Variants in WDR25 observed in about 807,000 individuals in gnomAD.
The protein encoded by WDR25 is WD repeat domain 25.
A neutral mutation model predicts 47.7 loss-of-function variants in WDR25; 35 were observed. The observed-to-expected ratio is 0.73, with a 90% CI of 0.56 to 0.97. The LOEUF (loss-of-function observed/expected upper bound fraction) is 0.97, where lower values mean the gene tolerates loss of function less well. Ranked by LOEUF, WDR25 falls within the 50% of genes least tolerant of loss-of-function variation. The pLI, the probability that WDR25 is intolerant of heterozygous loss-of-function variation, is 0.00. For missense variants in WDR25, 634 were observed against 704.7 expected (o/e 0.90, Z 1.14); for synonymous variants, 248 against 278.9 (o/e 0.89, Z 1.10).
chr14:100,405,519 G>A (rs1897510071), intron 2 of WDR25, among the ~76,000 whole-genome samples: 1 of 152,202 alleles, frequency 6.6e-6, no homozygotes, highest in African/African-American at 2.4e-5. Context: ...TGCAGGGGAT[G>A]GGGAGGGAGG....
rs532505621 is a variant in WDR25 at position 100,484,343 on chromosome 14, T to C, written c.1101+219T>C. Reference sequence around the variant, plus strand: ...AAAGGTGCAATTTTATGCAGCATATTACTAAAAATATTTGTTGAACACCTA... The same window carrying C: ...AAAGGTGCAATTTTATGCAGCATATCACTAAAAATATTTGTTGAACACCTA... On this transcript the variant is annotated intron_variant, in intron 4 of 6. Coordinates refer to ENST00000402312, the MANE Select transcript of WDR25 (RefSeq NM_001161476.3). Among the ~76,000 whole-genome samples, 6 of 152,334 alleles carry C rather than the reference T, an allele frequency of 3.9e-5. No homozygotes were observed. The East Asian group carries it at 1.2e-3, about 29-fold the overall frequency.
rs530224031 is a variant in WDR25 at position 100,525,990 on chromosome 14, A to G, written c.1222A>G (p.Ile408Val). 6.2e-7 allele frequency: 1 copy of G among 1,613,996 alleles called. No individual in the cohort carries two copies. The highest frequency in any genetic ancestry group is 2.2e-5 in the East Asian group (1 of 44,882). ...CCGGGACTCAGCTGACCGCACCATT[A>G]TTGCCTGGGATTTCCGGACCTCTGC... is the stretch of plus-strand genomic sequence containing the variant. ...STRDSADRTI[I>V]AWDFRTSAKI... Residue 408 changes from isoleucine (I) to valine (V), a missense_variant, in exon 5 of 7, where the codon ATT (isoleucine) becomes GTT (valine). Physicochemically the swap from Ile to Val is conservative, Grantham distance 29. Transcript: ENST00000402312. This position sits in a 1 kb window ranked among gnomAD's most constrained non-coding sequence, Gnocchi z 4.6.
chr14:100,517,564 C>T (rs1190820389), intron 4 of WDR25, among the ~76,000 whole-genome samples: 10 of 152,146 alleles, frequency 6.6e-5, no homozygotes, highest in Non-Finnish European at 1.5e-4. Flanking sequence ...TTCTTCTAGG[C>T]CAGGTGTGGT....
chr14:100,386,315 C>G (rs1897016253), intron 2 of WDR25, among the ~76,000 whole-genome samples: 1 of 152,198 alleles, frequency 6.6e-6, no homozygotes, highest in Admixed American at 6.5e-5. Context: ...GTCGGGGGCC[C>G]TACATTCCTA....
At chr14:100,526,934 CACCACCACACCATCTCT>C (rs2030188650) in intron 5 of WDR25, among the ~76,000 whole-genome samples, 3 of 151,854 alleles carry the variant, frequency 2.0e-5, no homozygotes, top group Admixed American at 6.6e-5. Flanking sequence ...CTCCTGTCAT[CACCACCACACCATCTCT>C]ATCACCACCA....
At chr14:100,409,359 A>G (rs1229519173) in intron 2 of WDR25, among the ~76,000 whole-genome samples, 10 of 152,164 alleles carry the variant, frequency 6.6e-5, no homozygotes, top group Non-Finnish European at 1.5e-4. Flanking sequence ...TGAATCAGTT[A>G]GGAATATTGG....
intron 2 of WDR25, among the ~76,000 whole-genome samples, chr14:100,429,373 G>GAA (rs1383694323): frequency 4.6e-5 from 7 of 152,332 alleles, no homozygotes; most frequent in Admixed American, 4.6e-4. Flanking sequence ...TGGAGTGAAA[G>GAA]AAAGAGGAGA....
At chr14:100,414,903 CA>C (rs35444675) in intron 2 of WDR25, among the ~76,000 whole-genome samples, 41,407 of 113,336 alleles carry the variant, frequency 0.37, 7,057 homozygotes, top group African/African-American at 0.55. Flanking sequence ...GACTCCATCT[CA>C]AAAAAAAAAA....
chr14:100,509,962 T>A (rs1484063058), intron 4 of WDR25, among the ~76,000 whole-genome samples: 2 of 152,108 alleles, frequency 1.3e-5, no homozygotes, highest in African/African-American at 4.8e-5. Context: ...GATTTCTTTT[T>A]TTTTTTAATT....
chr14:100,463,482 T>C (rs77972127), intron 2 of WDR25, among the ~76,000 whole-genome samples: 9,668 of 152,156 alleles, frequency 0.064, 754 homozygotes, highest in African/African-American at 0.19. Context: ...CTGGTTTCTC[T>C]CTCTCCTCCC....
chr14:100,530,084 G>A lies in WDR25; in HGVS notation c.*43G>A, dbSNP rs1264547757. ...CTTCCCGATGCCAGCTGGGCTCTTG[G>A]ACTCCCCTCTTCCTCAAGGGTAGAT... On this transcript the variant is annotated 3_prime_UTR_variant, in exon 7 of 7. Coordinates refer to ENST00000402312, the MANE Select transcript of WDR25 (RefSeq NM_001161476.3). 7 of 1,572,062 alleles carry A rather than the reference G, an allele frequency of 4.5e-6. No homozygotes were observed.
rs2029972788 is a variant in WDR25, at chr14:100,523,705, G to A, written c.1102-2165G>A. Among the ~76,000 whole-genome samples, 1 of 152,088 alleles carries A rather than the reference G, an allele frequency of 6.6e-6. No homozygotes were observed. Among genetic ancestry groups the A allele is most frequent in the South Asian group, 2.1e-4 (1 of 4,822 alleles). ...CAGGTTTGCTGGTGGGCCGAGTGGT[G>A]GGCAGATTGTAGGGACATAACCCCT... On this transcript the variant is annotated intron_variant, in intron 4 of 6. Transcript: ENST00000402312. This position sits in a 1 kb window ranked among gnomAD's most constrained non-coding sequence, Gnocchi z 4.7.
rs746105473 is a variant in WDR25, at chr14:100,381,704, G to T, written c.780G>T (p.Lys260Asn). ...NTIQWCPVLSKSHMLLSTSMD... is the reference protein window; with the variant it reads ...NTIQWCPVLSNSHMLLSTSMD... ...TTCAGTGGTGTCCAGTCCTTTCTAA[G>T]AGCCACATGCTTCTCTCCACTTCTA... The change falls in exon 2 of 7, where the codon AAG (lysine) becomes AAT (asparagine). Residue 260 changes from lysine (K) to asparagine (N), a missense_variant. By Grantham distance (94) the Lys-to-Asn change is moderately conservative. Transcript: ENST00000402312. 1.2e-6 allele frequency: 2 copies of T among 1,612,000 alleles called. No individual in the cohort carries two copies. Among genetic ancestry groups the T allele is most frequent in the African/African-American group, 1.3e-5 (1 of 74,728 alleles).
rs1368252599 is a variant in WDR25, at chr14:100,529,438, C to T, written c.1413+230C>T. 8 of 652,666 alleles carry T rather than the reference C, an allele frequency of 1.2e-5. No homozygotes were observed. The highest frequency in any genetic ancestry group is 1.1e-4 in the African/African-American group (6 of 54,820). 40.4% of individuals were successfully genotyped at this position (652,666 alleles called of 1,614,324 possible). ...GGCAGGAAGCAGTAGTTGGCTCACA[C>T]AGACAGGTCTCAGAAGTGGGGGGCA... On this transcript the variant is annotated intron_variant, in intron 6 of 6. Coordinates refer to ENST00000402312, the MANE Select transcript of WDR25 (RefSeq NM_001161476.3). The surrounding 1 kb of genome is among the most constrained non-coding windows in gnomAD (Gnocchi z 5.1).
At chr14:100,436,449 T>C (rs1163499115) in intron 2 of WDR25, among the ~76,000 whole-genome samples, 1 of 152,244 alleles carries the variant, frequency 6.6e-6, no homozygotes, top group Non-Finnish European at 1.5e-5. Context: ...TAATTTGCAA[T>C]GAAATAGTTT....
Position 100,427,104 on chromosome 14 carries a change from C to G in WDR25, c.823-40917C>G, listed in dbSNP as rs145331727. ...GTCCCTGCCACCTTGGGGCCCTCCT[C>G]CTCCTCCTCTCTGCTGCTCTGGCTA... On this transcript the variant is annotated intron_variant, in intron 2 of 6. Transcript: ENST00000402312. 4.9e-4 allele frequency among the ~76,000 whole-genome samples: 74 copies of G among 152,296 alleles called. 1 individual carries two copies. The East Asian group carries it at 0.011, about 23-fold the overall frequency.
chr14:100,464,688 C>G (rs1899547386), intron 2 of WDR25, among the ~76,000 whole-genome samples: 1 of 137,284 alleles, frequency 7.3e-6, no homozygotes, highest in Non-Finnish European at 1.6e-5. Context: ...TACCTCATCT[C>G]CCCTCCCCAT....
At chr14:100,438,162 T>G (rs1037580112) in intron 2 of WDR25, among the ~76,000 whole-genome samples, 1 of 152,234 alleles carries the variant, frequency 6.6e-6, no homozygotes, top group Non-Finnish European at 1.5e-5. Context: ...AGTCTTGTAA[T>G]GAAGTGTAAT....
Position 100,380,683 on chromosome 14 carries a change from G to A in WDR25, c.-15-227G>A, listed in dbSNP as rs1208663223. ...TACTTTTTGTATTTTTAGTAGAGAC[G>A]GGGTTTCACCATGTTGGCCAGGCTG... On this transcript the variant is annotated intron_variant, in intron 1 of 6. Transcript: ENST00000402312. 8.6e-5 allele frequency among the ~76,000 whole-genome samples: 13 copies of A among 151,724 alleles called. 1 individual carries two copies. Among genetic ancestry groups the A allele is most frequent in the African/African-American group, 2.4e-5 (1 of 41,302 alleles).
Sources: allele counts gnomAD v4.1 joint callset (sites outside exome capture counted in the v4.1 genomes callset), GRCh38; gene constraint gnomAD v4.1.1; non-coding constraint Gnocchi (gnomAD v3.1); transcripts MANE v1.5; gene names NCBI Gene and HGNC (gene_info 2026-07-23, HGNC 2026-07-21).